Variants in AFAP1L2 observed in about 807,000 individuals in gnomAD.
AFAP1L2 encodes the protein actin filament-associated protein 1-like 2.
A neutral mutation model predicts 99.3 loss-of-function variants in AFAP1L2; 46 were observed. The observed-to-expected ratio is 0.46, with a 90% CI of 0.37 to 0.59. AFAP1L2 has a LOEUF of 0.59. AFAP1L2 is among the 20% of genes least tolerant of loss of function. The pLI is 0.00. For missense variants in AFAP1L2, 959 were observed against 1,034.9 expected, an observed-to-expected ratio of 0.93 and a Z score of 1.01; for synonymous variants, 397 against 419.1, an observed-to-expected ratio of 0.95 and a Z score of 0.64.
At chr10:114,404,505 C>T (rs1279974642), upstream of AFAP1L2, 1 of 1,521,562 alleles carries the variant, frequency 6.6e-7, no homozygotes. Flanking sequence ...GCTGCTCTCC[C>T]GGCGCTCGGC....
At chr10:114,303,287 AT>A (rs1365479830) in intron 11 of AFAP1L2, among the ~76,000 whole-genome samples, 1 of 152,082 alleles carries the variant, frequency 6.6e-6, no homozygotes. Context: ...AGAATTTGAC[AT>A]TTAGTTGGTT....
At chr10:114,302,891 C>T (rs1372438189) in intron 11 of AFAP1L2, among the ~76,000 whole-genome samples, 3 of 152,192 alleles carry the variant, frequency 2.0e-5, no homozygotes, top group Non-Finnish European at 4.4e-5. Flanking sequence ...ATGAACAATG[C>T]ATGTCATTCC....
chr10:114,352,261 C>T (rs1043576531), intron 1 of AFAP1L2, among the ~76,000 whole-genome samples: 2 of 151,912 alleles, frequency 1.3e-5, no homozygotes, highest in Non-Finnish European at 2.9e-5. Flanking sequence ...CACCTGAGGT[C>T]AGGACTTTTG....
At chr10:114,301,276 A>ATCTC (rs2041134845) in intron 13 of AFAP1L2, 78 bp downstream of exon 13, 2 of 1,219,686 alleles carry the variant, frequency 1.6e-6, no homozygotes, top group Admixed American at 3.6e-5. Context: ...TACTCTAATG[A>ATCTC]TCTCTGGCAT....
intron 1 of AFAP1L2, among the ~76,000 whole-genome samples, chr10:114,399,939 A>T (rs960625730): frequency 1.3e-5 from 2 of 152,226 alleles, no homozygotes; most frequent in African/African-American, 4.8e-5. Context: ...GAACACTGCG[A>T]ACACTGGAGG....
intron 7 of AFAP1L2, among the ~76,000 whole-genome samples, chr10:114,313,329 G>C (rs1264394904): frequency 6.6e-6 from 1 of 152,154 alleles, no homozygotes; most frequent in Non-Finnish European, 1.5e-5. Context: ...ATCACACCCA[G>C]GGACGCGTGG....
chr10:114,290,484 C>T, downstream of AFAP1L2: 1 of 1,398,548 alleles, frequency 7.2e-7, no homozygotes, highest in Non-Finnish European at 9.7e-7. Context: ...AGAAATTATT[C>T]AGTCGTTTAC....
At chr10:114,384,491 A>G (rs2056234726) in intron 1 of AFAP1L2, among the ~76,000 whole-genome samples, 1 of 152,230 alleles carries the variant, frequency 6.6e-6, no homozygotes, top group Admixed American at 6.5e-5. Context: ...CAAATGAGAG[A>G]CAGCTGTTGG....
chr10:114,314,163 C>T (rs930084277), intron 6 of AFAP1L2, 113 bp from the exon 7 acceptor site: 1 of 1,057,804 alleles, frequency 9.5e-7, no homozygotes, highest in Non-Finnish European at 1.4e-6. Flanking sequence ...CTGACTTAAC[C>T]CAGCAAGACT....
At chr10:114,362,770 G>A (rs1434206208) in intron 1 of AFAP1L2, among the ~76,000 whole-genome samples, 2 of 152,116 alleles carry the variant, frequency 1.3e-5, no homozygotes, top group African/African-American at 4.8e-5. Flanking sequence ...AAGAGCCCCT[G>A]TAAGGAACAG....
chr10:114,332,657 C>A (rs2047407851), intron 3 of AFAP1L2, among the ~76,000 whole-genome samples: 1 of 152,178 alleles, frequency 6.6e-6, no homozygotes, highest in African/African-American at 2.4e-5. Flanking sequence ...CTCTGGGCCT[C>A]CCCGGGGTCT....
At chr10:114,398,463 C>T (rs1194430149) in intron 1 of AFAP1L2, among the ~76,000 whole-genome samples, 2 of 152,236 alleles carry the variant, frequency 1.3e-5, no homozygotes, top group African/African-American at 2.4e-5. Flanking sequence ...AAGGCAGGAA[C>T]TGGTGGGATC....
intron 4 of AFAP1L2, among the ~76,000 whole-genome samples, chr10:114,327,368 G>T (rs888700664): frequency 6.6e-6 from 1 of 151,140 alleles, no homozygotes; most frequent in African/African-American, 2.4e-5. Context: ...TGGCCAGGCT[G>T]GTCTCAAACT....
upstream of AFAP1L2, chr10:114,404,557 A>G: frequency 7.2e-7 from 1 of 1,396,970 alleles, no homozygotes; most frequent in Non-Finnish European, 9.2e-7. Flanking sequence ...CCGTGAGGTC[A>G]CGCTCGCGGC....
chr10:114,285,098 A>T, the AFAP1L2 span: 2 of 668,100 alleles, frequency 3.0e-6, no homozygotes, highest in African/African-American at 1.9e-5. Flanking sequence ...TTTCCAATGC[A>T]CCACTGGTCT....
intron 1 of AFAP1L2, among the ~76,000 whole-genome samples, chr10:114,373,151 G>A (rs905527698): frequency 1.3e-5 from 2 of 152,190 alleles, no homozygotes; most frequent in East Asian, 3.8e-4. Flanking sequence ...GCTGAGGTGG[G>A]AAGATCGCTT....
chr10:114,345,011 C>T (rs574083251), intron 1 of AFAP1L2, among the ~76,000 whole-genome samples: 56 of 151,370 alleles, frequency 3.7e-4, no homozygotes, highest in Non-Finnish European at 6.2e-4. Context: ...GCAGGAGAAT[C>T]GCTTGAACCT....
chr10:114,332,678 C>T (rs537728682), intron 3 of AFAP1L2, among the ~76,000 whole-genome samples: 188 of 152,348 alleles, frequency 1.2e-3, no homozygotes, highest in South Asian at 8.1e-3. Context: ...TGCCAGGCCC[C>T]TCCCTGGAGG....
rs1264029685 is a variant in AFAP1L2 at position 114,377,264 on chromosome 10, G to C, written c.16+27176C>G. Among the ~76,000 whole-genome samples the C allele has an allele frequency of 6.6e-6, 1 of 152,218 alleles. No individual in the cohort carries two copies. Among genetic ancestry groups the C allele is most frequent in the Non-Finnish European group, 1.5e-5 (1 of 68,038 alleles). ...GTAGCAGAAGGAATGTTTTACCAGA[G>C]TATCTGGAAAGCCTAGTAGAAATAT... On this transcript the variant is annotated intron_variant, in intron 1 of 18. Transcript: ENST00000304129. The surrounding 1 kb of genome is among the most constrained non-coding windows in gnomAD (Gnocchi z 4.0).
Sources: gnomAD v4.1 joint callset for allele counts (sites outside exome capture counted in the v4.1 genomes callset) on GRCh38, gnomAD v4.1.1 for gene constraint, Gnocchi (gnomAD v3.1) non-coding constraint, MANE v1.5 for transcripts, NCBI Gene and HGNC (gene_info 2026-07-23, HGNC 2026-07-21) for gene names.